KCNJ6: variants seen among roughly 807,000 people sequenced by gnomAD.
The protein encoded by KCNJ6 is potassium inwardly rectifying channel subfamily J member 6.
Under a neutral mutation model 34.2 loss-of-function variants are expected in KCNJ6, and 9 were observed. The observed-to-expected ratio is 0.26, with a 90% CI of 0.16 to 0.46. The LOEUF is 0.46. KCNJ6 is among the 20% of genes least tolerant of loss of function. KCNJ6 has a pLI of 1.00. For missense variants in KCNJ6, 236 were observed against 531.3 expected, an observed-to-expected ratio of 0.44 and a Z score of 5.46; for synonymous variants, 196 against 207.1, an observed-to-expected ratio of 0.95 and a Z score of 0.46.
chr21:37,876,959 A>G (rs571151511), intron 1 of KCNJ6, among the ~76,000 whole-genome samples: 58 of 152,322 alleles, frequency 3.8e-4, no homozygotes, highest in Admixed American at 1.8e-3. Context: ...TAGCTTCACT[A>G]TTTAGTTTTT....
In KCNJ6 at chr21:37,731,846, G is replaced by A. The variant is rs560049684; in HGVS notation, c.26-16715C>T. Among the ~76,000 whole-genome samples the A allele has an allele frequency of 5.3e-5, 8 of 152,294 alleles. No homozygotes were observed. In the South Asian group the frequency reaches 6.2e-4, roughly 12 times the overall value. On this transcript the variant is annotated intron_variant, in intron 2 of 3. Transcript: ENST00000609713. ...AGGCGGAGGAGTTAGTGGAAATGAG[G>A]GGGCTCTGCTGATAAGAAGAGTCCA...
intron 1 of KCNJ6, among the ~76,000 whole-genome samples, chr21:37,872,754 T>G (rs2055658778): frequency 6.6e-6 from 1 of 152,208 alleles, no homozygotes; most frequent in Non-Finnish European, 1.5e-5. Flanking sequence ...GAATCTCATC[T>G]TGAATTGTAA....
intron 3 of KCNJ6, among the ~76,000 whole-genome samples, chr21:37,635,460 T>G (rs966381175): frequency 7.2e-5 from 11 of 152,054 alleles, no homozygotes; most frequent in African/African-American, 2.7e-4. Flanking sequence ...TCAGGTGATC[T>G]GCCTGCCTCA....
intron 1 of KCNJ6, among the ~76,000 whole-genome samples, chr21:37,898,856 G>A (rs1174203985): frequency 3.9e-5 from 6 of 152,116 alleles, no homozygotes; most frequent in African/African-American, 1.4e-4. Context: ...CATAGCCAGG[G>A]AAAAACATTT....
At chr21:37,713,573 AATG>A (rs2123450973) in intron 3 of KCNJ6, among the ~76,000 whole-genome samples, 1 of 152,292 alleles carries the variant, frequency 6.6e-6, no homozygotes, top group East Asian at 1.9e-4. Flanking sequence ...AAAACATCCC[AATG>A]ATTAGCCATT....
chr21:37,682,152 A>G (rs746312478), intron 3 of KCNJ6, among the ~76,000 whole-genome samples: 1 of 152,226 alleles, frequency 6.6e-6, no homozygotes, highest in Non-Finnish European at 1.5e-5. Flanking sequence ...ACAAATTACC[A>G]CAAACTTGGA....
intron 3 of KCNJ6, among the ~76,000 whole-genome samples, chr21:37,664,289 A>G (rs886126590): frequency 6.6e-6 from 1 of 152,104 alleles, no homozygotes. Context: ...TTAAGAAATT[A>G]GAGAGAAAAA....
chr21:37,827,953 TTAAG>T (rs890430121), intron 2 of KCNJ6, among the ~76,000 whole-genome samples: 5 of 152,146 alleles, frequency 3.3e-5, no homozygotes, highest in African/African-American at 1.2e-4. Context: ...ACCAGAGGGG[TTAAG>T]TGAGTTGCCT....
chr21:37,869,391 G>T (rs2055639109), intron 1 of KCNJ6, among the ~76,000 whole-genome samples: 1 of 152,240 alleles, frequency 6.6e-6, no homozygotes, highest in Non-Finnish European at 1.5e-5. Context: ...GATCTGAGTG[G>T]AGAAACTCAT....
rs1294996439 is a variant in KCNJ6, at chr21:37,615,497, A to G, written c.*9662T>C. ...AGCAGAGTTTATTCTTGCCTGGTCC[A>G]TGGGGCCAGACTAAATTGAGCTCTG... On this transcript the variant is annotated 3_prime_UTR_variant, in exon 4 of 4. Transcript: ENST00000609713. The G allele has an allele frequency of 2.0e-5, 3 of 152,176 alleles. No individual in the cohort carries two copies. In the East Asian group the frequency reaches 5.8e-4, roughly 29 times the overall value. The allele number at this position is 152,176 out of a possible 1,614,324, so 9.4% of individuals were successfully genotyped here.
chr21:37,627,229 C>T (rs570103075), intron 3 of KCNJ6, among the ~76,000 whole-genome samples: 2 of 152,206 alleles, frequency 1.3e-5, no homozygotes, highest in Non-Finnish European at 2.9e-5. Flanking sequence ...CCAGCCCTCA[C>T]GCCAGCTCTG....
intron 1 of KCNJ6, among the ~76,000 whole-genome samples, chr21:37,865,612 C>T (rs1169146345): frequency 3.9e-5 from 6 of 152,220 alleles, no homozygotes; most frequent in African/African-American, 1.4e-4. Context: ...GAGGAGCCAG[C>T]TTAGAAAGAA....
rs766705708 is a variant in KCNJ6 at position 37,714,171 on chromosome 21, C to T, written c.946+40G>A. 2 of 1,391,048 alleles carry T rather than the reference C, an allele frequency of 1.4e-6. No homozygotes were observed. The highest frequency in any genetic ancestry group is 2.0e-6 in the Non-Finnish European group (2 of 992,768). The allele number at this position is 1,391,048 out of a possible 1,614,324, so 86.2% of individuals were successfully genotyped here. On this transcript the variant is annotated intron_variant, in intron 3 of 3. Coordinates refer to ENST00000609713, the MANE Select transcript of KCNJ6 (RefSeq NM_002240.5). The surrounding 1 kb of genome is among the most constrained non-coding windows in gnomAD (Gnocchi z 5.9). ...AACATCAGGTCCAGTTTAAAATGAG[C>T]ATCTATCCCACAGCCATCCCAGGAT...
Position 37,617,048 on chromosome 21 carries a change from C to CTTTTCT in KCNJ6, c.*8110_*8111insAGAAAA, listed in dbSNP as rs1556008833. The stretch of plus-strand genomic sequence containing the variant: ...TCTTTCTTTCTTTCTTTCTTTCTTT[C>CTTTTCT]TTTCTTTTCTTTTCTTTTCTTTTCT... On this transcript the variant is annotated 3_prime_UTR_variant, in exon 4 of 4. Coordinates refer to ENST00000609713, the MANE Select transcript of KCNJ6 (RefSeq NM_002240.5). 1.4e-5 allele frequency: 1 copy of CTTTTCT among 70,134 alleles called. No individual in the cohort carries two copies. Among genetic ancestry groups the CTTTTCT allele is most frequent in the African/African-American group, 5.1e-5 (1 of 19,654 alleles). The allele number at this position is 70,134 out of a possible 1,614,324, so 4.3% of individuals were successfully genotyped here.
At chr21:37,696,759 A>T (rs2054665352) in intron 3 of KCNJ6, among the ~76,000 whole-genome samples, 1 of 152,218 alleles carries the variant, frequency 6.6e-6, no homozygotes, top group East Asian at 1.9e-4. Context: ...TCACTTTTAC[A>T]TAACTGCATC....
At chr21:37,875,824 G>A (rs748726558) in intron 1 of KCNJ6, among the ~76,000 whole-genome samples, 22 of 152,166 alleles carry the variant, frequency 1.4e-4, no homozygotes, top group Non-Finnish European at 2.1e-4. Context: ...GAACACCTCC[G>A]GTGGGCCTCT....
At chr21:37,715,747 A>C (rs2054787267) in intron 2 of KCNJ6, among the ~76,000 whole-genome samples, 1 of 152,178 alleles carries the variant, frequency 6.6e-6, no homozygotes, top group Non-Finnish European at 1.5e-5. Context: ...AGGGGTGCAC[A>C]CAAACAGAGG....
chr21:37,839,684 G>GA (rs1280423798), intron 2 of KCNJ6, among the ~76,000 whole-genome samples: 1 of 151,910 alleles, frequency 6.6e-6, no homozygotes, highest in African/African-American at 2.4e-5. Flanking sequence ...TTTTTCAAAG[G>GA]AAAAAAATAT....
chr21:37,761,687 G>A (rs893228537), intron 2 of KCNJ6, among the ~76,000 whole-genome samples: 21 of 150,900 alleles, frequency 1.4e-4, no homozygotes, highest in South Asian at 6.3e-4. Context: ...GTATATTTGC[G>A]TGTGTGTTGT....
Sources: gnomAD v4.1 joint callset for allele counts (sites outside exome capture counted in the v4.1 genomes callset) on GRCh38, gnomAD v4.1.1 for gene constraint, Gnocchi (gnomAD v3.1) non-coding constraint, MANE v1.5 for transcripts, NCBI Gene and HGNC (gene_info 2026-07-23, HGNC 2026-07-21) for gene names.